The following FSTL4 variants were observed in gnomAD, a reference collection of about 807,000 sequenced individuals.
The protein encoded by FSTL4 is follistatin-related protein 4.
FSTL4 carries 28 observed loss-of-function variants against 78.2 expected under a neutral mutation model. The observed-to-expected ratio is 0.36, with a 90% CI of 0.27 to 0.49. FSTL4 has a LOEUF of 0.49. Among genes scored for constraint, FSTL4 ranks in the 20% least tolerant of loss-of-function variants. The pLI is 0.98. For missense variants in FSTL4, 922 were observed against 1,084.9 expected, an observed-to-expected ratio of 0.85 and a Z score of 2.11; for synonymous variants, 422 against 440.5, an observed-to-expected ratio of 0.96 and a Z score of 0.53.
rs182483019 is a variant in FSTL4, at chr5:133,198,917, C to A, written c.*178G>T. On this transcript the variant is annotated 3_prime_UTR_variant, in exon 16 of 16. Transcript: ENST00000265342. ...AAATCATACTTCCTAACGAAAAAAC[C>A]CCAATCTTGGTAGCAGCGCATACCT... 1 of 478,186 alleles carries A rather than the reference C, an allele frequency of 2.1e-6. No homozygotes were observed. The allele number at this position is 478,186 out of a possible 1,614,324, so 29.6% of individuals were successfully genotyped here. A position where few individuals can be genotyped will look rare whatever the true frequency, so the allele number is the denominator to read the frequency against.
chr5:133,205,171 C>T (rs1266725280), intron 14 of FSTL4, among the ~76,000 whole-genome samples: 1 of 152,002 alleles, frequency 6.6e-6, no homozygotes, highest in Non-Finnish European at 1.5e-5. Context: ...CCTTCTATTC[C>T]TATGTTTAGG....
chr5:133,396,377 G>T (rs555211299), intron 4 of FSTL4, among the ~76,000 whole-genome samples: 1 of 152,324 alleles, frequency 6.6e-6, no homozygotes, highest in African/African-American at 2.4e-5. Flanking sequence ...ACGTGCCAAA[G>T]CAGTGCCCTT....
chr5:133,670,105 C>T, the FSTL4 span, among the ~76,000 whole-genome samples: 9 of 152,156 alleles, frequency 5.9e-5, no homozygotes, highest in African/African-American at 1.4e-4. Flanking sequence ...CACCCTTTTC[C>T]GTCGTCAACA....
At chr5:133,298,668 C>T (rs966625236) in intron 6 of FSTL4, among the ~76,000 whole-genome samples, 32 of 152,252 alleles carry the variant, frequency 2.1e-4, no homozygotes, top group African/African-American at 7.7e-4. Flanking sequence ...ATGTCTGTCA[C>T]ATCTGAGAGC....
intron 7 of FSTL4, among the ~76,000 whole-genome samples, chr5:133,243,436 G>A (rs1169965503): frequency 6.6e-6 from 1 of 152,218 alleles, no homozygotes; most frequent in Non-Finnish European, 1.5e-5. Context: ...GCTGGGGCCA[G>A]AGGCCAGCAG....
At chr5:133,736,727 G>A in the FSTL4 span, among the ~76,000 whole-genome samples, 1 of 152,176 alleles carries the variant, frequency 6.6e-6, no homozygotes, top group East Asian at 1.9e-4. Context: ...CTGGGTCCCT[G>A]CTGAGCAGCC....
At chr5:133,395,643 C>G (rs937092667) in intron 4 of FSTL4, among the ~76,000 whole-genome samples, 1 of 152,182 alleles carries the variant, frequency 6.6e-6, no homozygotes, top group Admixed American at 6.5e-5. Context: ...CTGCCTTTAT[C>G]CCCAACTATG....
rs541068415 is a variant in FSTL4 at position 133,576,019 on chromosome 5, T to C, written c.127-8800A>G. On this transcript the variant is annotated intron_variant, in intron 2 of 15. Coordinates refer to ENST00000265342, the MANE Select transcript of FSTL4 (RefSeq NM_015082.2). ...GAATCCGTTATCTCTCACTATAATG[T>C]AGAAGAACTTAAATAAAAAATTACC... 1.6e-4 allele frequency among the ~76,000 whole-genome samples: 25 copies of C among 152,328 alleles called. 1 individual carries two copies. The South Asian group carries it at 1.9e-3, about 11-fold the overall frequency.
At chr5:133,694,581 A>G in the FSTL4 span, among the ~76,000 whole-genome samples, 1 of 152,236 alleles carries the variant, frequency 6.6e-6, no homozygotes, top group African/African-American at 2.4e-5. Flanking sequence ...ACACATAAGC[A>G]TGAGCTCTGT....
intron 4 of FSTL4, chr5:133,387,723 C>T (rs1252996288): frequency 6.6e-6 from 1 of 152,244 alleles, no homozygotes; most frequent in Non-Finnish European, 1.5e-5. Context: ...ACAAAGGCTT[C>T]ATCACACAAG....
the FSTL4 span, among the ~76,000 whole-genome samples, chr5:133,738,195 AT>A: frequency 6.6e-6 from 1 of 152,120 alleles, no homozygotes; most frequent in Non-Finnish European, 1.5e-5. Flanking sequence ...CCTTCACAAT[AT>A]GCAGTCCCAG....
chr5:133,475,306 G>C (rs548194934), intron 3 of FSTL4, among the ~76,000 whole-genome samples: 1 of 152,180 alleles, frequency 6.6e-6, no homozygotes, highest in Non-Finnish European at 1.5e-5. Context: ...TATTGAAAAG[G>C]GCTCTGCAGT....
chr5:133,700,409 A>G, the FSTL4 span, among the ~76,000 whole-genome samples: 3 of 151,598 alleles, frequency 2.0e-5, no homozygotes, highest in Non-Finnish European at 4.4e-5. Context: ...CATCAGACCA[A>G]AGCACCACAC....
chr5:133,714,119 T>C, the FSTL4 span, among the ~76,000 whole-genome samples: 1 of 152,084 alleles, frequency 6.6e-6, no homozygotes, highest in African/African-American at 2.4e-5. Flanking sequence ...TGGGTTTGAA[T>C]CACACAATAA....
At chr5:133,681,691 C>T in the FSTL4 span, among the ~76,000 whole-genome samples, 2 of 152,094 alleles carry the variant, frequency 1.3e-5, no homozygotes, top group Admixed American at 6.6e-5. Flanking sequence ...AATTGGACCC[C>T]CCATGAGAGA....
intron 3 of FSTL4, among the ~76,000 whole-genome samples, chr5:133,474,995 G>C (rs564171276): frequency 6.6e-6 from 1 of 152,132 alleles, no homozygotes; most frequent in Non-Finnish European, 1.5e-5. Context: ...CCCAAAGGCT[G>C]TCCTCAGCAG....
intron 4 of FSTL4, among the ~76,000 whole-genome samples, chr5:133,325,205 G>A (rs1013580213): frequency 6.6e-6 from 1 of 152,202 alleles, no homozygotes; most frequent in Non-Finnish European, 1.5e-5. Context: ...GGAGGCCTGT[G>A]GATGAATTTG....
chr5:133,525,618 A>G (rs899040319), intron 3 of FSTL4, among the ~76,000 whole-genome samples: 1 of 152,248 alleles, frequency 6.6e-6, no homozygotes, highest in Non-Finnish European at 1.5e-5. Context: ...CGGCCTCACT[A>G]AACAAGCTAT....
the FSTL4 span, among the ~76,000 whole-genome samples, chr5:133,732,044 C>T: frequency 6.6e-6 from 1 of 152,166 alleles, no homozygotes; most frequent in African/African-American, 2.4e-5. Flanking sequence ...GCACAAGCAA[C>T]CTGTGTGCTT....
Sources: allele counts gnomAD v4.1 joint callset (sites outside exome capture counted in the v4.1 genomes callset), GRCh38; gene constraint gnomAD v4.1.1; transcripts MANE v1.5; gene names NCBI Gene and HGNC (gene_info 2026-07-23, HGNC 2026-07-21).